LOC400499: variants seen among roughly 807,000 people sequenced by gnomAD.
chr16:11,463,169 C>T, the LOC400499 span, among the ~76,000 whole-genome samples: 14 of 152,184 alleles, frequency 9.2e-5, no homozygotes, highest in East Asian at 1.9e-4. Context: ...ACACACTCCA[C>T]GGCCCCGCAA....
At chr16:11,478,679 G>A in the LOC400499 span, 39 of 399,016 alleles carry the variant, frequency 9.8e-5, no homozygotes, top group Admixed American at 2.2e-4. Flanking sequence ...CCACGCCTCC[G>A]GGTCACCTGG....
the LOC400499 span, chr16:11,442,335 C>G: frequency 6.6e-6 from 1 of 152,426 alleles, no homozygotes; most frequent in Non-Finnish European, 1.5e-5. Context: ...ATTCTCCTGC[C>G]TCAGCCTCCT....
chr16:11,502,802 G>A, the LOC400499 span, among the ~76,000 whole-genome samples: 5 of 151,188 alleles, frequency 3.3e-5, no homozygotes, highest in African/African-American at 1.2e-4. Context: ...TTTTAGTAGA[G>A]AAGAGGTTTC....
the LOC400499 span, among the ~76,000 whole-genome samples, chr16:11,415,300 C>T: frequency 0.013 from 2,003 of 152,286 alleles, 55 homozygotes; most frequent in African/African-American, 0.045. Context: ...CAGATGGCGC[C>T]GATTCTGTAT....
the LOC400499 span, among the ~76,000 whole-genome samples, chr16:11,464,808 C>G: frequency 6.6e-6 from 1 of 152,096 alleles, no homozygotes; most frequent in Non-Finnish European, 1.5e-5. Context: ...CTATAGGGAC[C>G]AGCAGGAAGA....
the LOC400499 span, among the ~76,000 whole-genome samples, chr16:11,398,708 G>A: frequency 6.6e-6 from 1 of 151,316 alleles, no homozygotes; most frequent in Non-Finnish European, 1.5e-5. Flanking sequence ...AGCCCAGGCT[G>A]GAGTACAGTG....
chr16:11,413,704 C>T, the LOC400499 span, among the ~76,000 whole-genome samples: 84,050 of 151,850 alleles, frequency 0.55, 23,773 homozygotes, highest in African/African-American at 0.66. Context: ...ATAATAATCA[C>T]TGTCAGACCA....
At chr16:11,386,444 G>A in the LOC400499 span, among the ~76,000 whole-genome samples, 1 of 152,236 alleles carries the variant, frequency 6.6e-6, no homozygotes, top group African/African-American at 2.4e-5. Context: ...CAACACCAAT[G>A]TGCTGCTTAG....
the LOC400499 span, chr16:11,518,858 C>G: frequency 1.3e-5 from 5 of 399,082 alleles, no homozygotes; most frequent in East Asian, 1.8e-4. Context: ...CAGCTCCAGC[C>G]CCATCGTGAG....
chr16:11,459,996 T>C, the LOC400499 span: 3 of 1,509,288 alleles, frequency 2.0e-6, no homozygotes, highest in Non-Finnish European at 2.7e-6. Flanking sequence ...GTGCTTCCCG[T>C]AGCTCACCTC....
the LOC400499 span, chr16:11,493,546 A>G: frequency 1.5e-5 from 6 of 391,266 alleles, no homozygotes; most frequent in African/African-American, 8.3e-5. Flanking sequence ...CATTAAATAC[A>G]TGATGAATGA....
the LOC400499 span, among the ~76,000 whole-genome samples, chr16:11,459,188 ATTTTTTTTTTTT>A: frequency 5.8e-3 from 690 of 119,904 alleles, 3 homozygotes; most frequent in African/African-American, 0.023. Context: ...TCCTAAACCA[ATTTTTTTTTTTT>A]TTTTTTTTTT....
chr16:11,499,906 G>A, the LOC400499 span, among the ~76,000 whole-genome samples: 1 of 152,178 alleles, frequency 6.6e-6, no homozygotes, highest in Admixed American at 6.5e-5. Context: ...GCAATCCCTT[G>A]GGCAAGCTGC....
At chr16:11,429,646 G>A in the LOC400499 span, among the ~76,000 whole-genome samples, 9 of 152,030 alleles carry the variant, frequency 5.9e-5, no homozygotes, top group East Asian at 3.9e-4. Flanking sequence ...GCTAATTTTT[G>A]TGTTTTCAGT....
the LOC400499 span, chr16:11,383,891 G>A: frequency 4.9e-4 from 609 of 1,232,094 alleles, 2 homozygotes; most frequent in African/African-American, 3.9e-3. Context: ...CTCACCACCC[G>A]GAAGCAGTCC....
At chr16:11,522,285 A>T in the LOC400499 span, among the ~76,000 whole-genome samples, 1 of 152,162 alleles carries the variant, frequency 6.6e-6, no homozygotes, top group African/African-American at 2.4e-5. Context: ...TAAGGGTGAA[A>T]AAGAAAATAA....
At chr16:11,493,236 T>C in the LOC400499 span, among the ~76,000 whole-genome samples, 1 of 152,214 alleles carries the variant, frequency 6.6e-6, no homozygotes, top group Non-Finnish European at 1.5e-5. Flanking sequence ...TTTTAGACTC[T>C]GCAGGCCATG....
At chr16:11,374,975 A>C in the LOC400499 span, among the ~76,000 whole-genome samples, 8 of 152,066 alleles carry the variant, frequency 5.3e-5, no homozygotes, top group African/African-American at 1.9e-4. Flanking sequence ...CAGCCTCCCA[A>C]ATAGCTGGGA....
At chr16:11,393,164 C>CCTT in the LOC400499 span, among the ~76,000 whole-genome samples, 18,655 of 114,164 alleles carry the variant, frequency 0.16, 1,694 homozygotes, top group Non-Finnish European at 0.24. Flanking sequence ...ACCCCCCCCC[C>CCTT]TTTTTTTTAA....
Sources: allele counts gnomAD v4.1 joint callset (sites outside exome capture counted in the v4.1 genomes callset), GRCh38; gene constraint gnomAD v4.1.1; transcripts MANE v1.5.